The following RUBCN variants were observed in gnomAD, a reference collection of about 807,000 sequenced individuals.
RUBCN encodes rubicon autophagy regulator, also known as run domain Beclin-1-interacting and cysteine-rich domain-containing protein.
Under a neutral mutation model 113.2 loss-of-function variants are expected in RUBCN, and 74 were observed. The ratio of observed to expected loss-of-function variants is 0.65; its 90% CI spans 0.54 to 0.79. The LOEUF is 0.79. RUBCN is among the 30% of genes least tolerant of loss of function. The pLI is 0.00. For synonymous variants in RUBCN, 480 were observed against 490.0 expected (o/e 0.98, Z 0.27); for missense variants, 1,109 against 1,251.7 (o/e 0.89, Z 1.72).
intron 18 of RUBCN, chr3:197,676,227 A>C: frequency 2.0e-6 from 2 of 990,842 alleles, no homozygotes; most frequent in Non-Finnish European, 2.4e-6. Flanking sequence ...GAGGGGACAA[A>C]GTATTTATTT....
chr3:197,725,520 C>CTTTTTTTTTT lies in RUBCN; in HGVS notation c.66-7400_66-7391dup, dbSNP rs10718685. On this transcript the variant is annotated intron_variant, in intron 1 of 19. Transcript: ENST00000296343. ...TACATTTCATGGCTGACAGGAGAATCTTTTTTTTTTTTTTTTTTTTTTTGT... is the reference window on the plus strand; with the variant it reads ...TACATTTCATGGCTGACAGGAGAATCTTTTTTTTTTTTTTTTTTTTTTTTTTTTTTTTTGT... Among the ~76,000 whole-genome samples the CTTTTTTTTTT allele has an allele frequency of 7.7e-4, 58 of 75,336 alleles. 2 individuals carry two copies. Among genetic ancestry groups the CTTTTTTTTTT allele is most frequent in the South Asian group, 2.6e-3 (4 of 1,564 alleles). 49.4% of individuals were successfully genotyped at this position (75,336 alleles called of 152,430 possible).
intron 1 of RUBCN, among the ~76,000 whole-genome samples, chr3:197,718,542 C>T (rs1335970164): frequency 6.6e-6 from 1 of 152,112 alleles, no homozygotes; most frequent in Non-Finnish European, 1.5e-5. Flanking sequence ...CTCAACCTCC[C>T]AGGTAGAGGT....
rs896045722 is a variant in RUBCN at position 197,669,985 on chromosome 3, T to C, written c.*5033A>G. Among the ~76,000 whole-genome samples the C allele has an allele frequency of 6.6e-6, 1 of 152,020 alleles. No homozygotes were observed. Among genetic ancestry groups the C allele is most frequent in the Non-Finnish European group, 1.5e-5 (1 of 68,010 alleles). ...CTCACTGCAACCTCCGCCACCCGGG[T>C]TCAAGCAATTCTCCTGTCTCAACCT... On this transcript the variant is annotated 3_prime_UTR_variant, in exon 20 of 20. Coordinates refer to ENST00000296343, the MANE Select transcript of RUBCN (RefSeq NM_014687.4).
chr3:197,739,242 T>G (rs965334567), upstream of RUBCN, among the ~76,000 whole-genome samples: 1 of 142,698 alleles, frequency 7.0e-6, no homozygotes, highest in African/African-American at 3.0e-5. Context: ...TACAAAAAAA[T>G]TAGCCGGGCA....
In RUBCN at chr3:197,669,876, C is replaced by T. The variant is rs1719625589; in HGVS notation, c.*5142G>A. 6.6e-6 allele frequency among the ~76,000 whole-genome samples: 1 copy of T among 152,096 alleles called. No individual in the cohort carries two copies. Among genetic ancestry groups the T allele is most frequent in the South Asian group, 2.1e-4 (1 of 4,826 alleles). ...ACATTGTATTACAAGACTTTTTCCC[C>T]ATGTTACTATCATAATTTATTTTTT... On this transcript the variant is annotated 3_prime_UTR_variant, in exon 20 of 20. Coordinates refer to ENST00000296343, the MANE Select transcript of RUBCN (RefSeq NM_014687.4).
Position 197,694,472 on chromosome 3 carries a change from A to G in RUBCN, c.1587T>C (p.Asp529=). ...TCTGCTTCAGCTCCTGGATCTCTCT[A>G]TCACTGTCTTCCTCTTCCACTTCCT... ...EEEEVEEEDS[D]REIQELKQKI... The change falls in exon 10 of 20, where the codon GAT becomes GAC. Residue 529 remains aspartate (D), a synonymous_variant. Transcript: ENST00000296343. The G allele has an allele frequency of 1.2e-6, 2 of 1,614,160 alleles. No homozygotes were observed. The highest frequency in any genetic ancestry group is 1.7e-6 in the Non-Finnish European group (2 of 1,180,022).
At chr3:197,704,887 A>G (rs1724112032) in intron 3 of RUBCN, among the ~76,000 whole-genome samples, 186 bp from the exon 4 acceptor site, 1 of 152,168 alleles carries the variant, frequency 6.6e-6, no homozygotes. Context: ...CAGAGGAGAA[A>G]AAGTGGCCTG....
intron 1 of RUBCN, among the ~76,000 whole-genome samples, 188 bp downstream of exon 1, chr3:197,736,467 G>A (rs1580408075): frequency 7.0e-6 from 1 of 142,412 alleles, no homozygotes; most frequent in East Asian, 2.3e-4. Context: ...CCCTAAGCCG[G>A]TTCCTTCGTC....
chr3:197,742,221 A>T (rs554744119), intron 1 of RUBCN, among the ~76,000 whole-genome samples: 4 of 151,890 alleles, frequency 2.6e-5, no homozygotes, highest in Non-Finnish European at 5.9e-5. Context: ...AGCTGAGTGC[A>T]GTGGCTCACG....
Position 197,669,470 on chromosome 3 carries a change from T to C in RUBCN, c.*5548A>G, listed in dbSNP as rs1021664329. On this transcript the variant is annotated 3_prime_UTR_variant, in exon 20 of 20. Coordinates refer to ENST00000296343, the MANE Select transcript of RUBCN (RefSeq NM_014687.4). Reference sequence around the variant, plus strand: ...TCCTGTGTTTATGTTGTTTGTTGTTTTTCTCATGATTAGACTGAGGTTATG... The same window carrying C: ...TCCTGTGTTTATGTTGTTTGTTGTTCTTCTCATGATTAGACTGAGGTTATG... 6.6e-6 allele frequency among the ~76,000 whole-genome samples: 1 copy of C among 152,222 alleles called. No homozygotes were observed. The highest frequency in any genetic ancestry group is 1.5e-5 in the Non-Finnish European group (1 of 68,036).
Position 197,681,480 on chromosome 3 carries a change from C to A in RUBCN, c.2192-113G>T, listed in dbSNP as rs111513834. On this transcript the variant is annotated intron_variant, in intron 15 of 19. Coordinates refer to ENST00000296343, the MANE Select transcript of RUBCN (RefSeq NM_014687.4). This position sits in a 1 kb window ranked among gnomAD's most constrained non-coding sequence, Gnocchi z 5.5. ...GAGAGGGACAGCCAATGGCCTCCAG[C>A]AACCTCTGTCTGAGTTCCCCAAAGC... 57 of 790,428 alleles carry A rather than the reference C, an allele frequency of 7.2e-5. No individual in the cohort carries two copies. In the African/African-American group the frequency reaches 8.8e-4, roughly 12 times the overall value. The allele number at this position is 790,428 out of a possible 1,614,324, so 49.0% of individuals were successfully genotyped here.
chr3:197,740,026 TGA>T (rs1728459640), upstream of RUBCN, among the ~76,000 whole-genome samples: 1 of 150,594 alleles, frequency 6.6e-6, no homozygotes. Flanking sequence ...GGTGACAGAG[TGA>T]GACTGTCTTG....
Position 197,675,496 on chromosome 3 carries a change from A to T in RUBCN, c.2666T>A (p.Phe889Tyr). The T allele has an allele frequency of 6.2e-7, 1 of 1,614,064 alleles. No homozygotes were observed. Among genetic ancestry groups the T allele is most frequent in the Middle Eastern group, 1.7e-4 (1 of 6,058 alleles). ...CTCATTCTGACAGAACTCACAGATG[A>T]AGCCTTTGGCTTGGCAGAGCTGGGG... ...ERCMLCQAKG[F>Y]ICEFCQNEDD... The change falls in exon 19 of 20, where the codon TTC (phenylalanine) becomes TAC (tyrosine). Residue 889 changes from phenylalanine to tyrosine, a missense_variant. Physicochemically the swap from Phe to Tyr is conservative, Grantham distance 22 (BLOSUM62 3). Around this residue, in one of 3 missense-constraint regions of RUBCN, gnomAD observed 306 missense variants for 348.9 expected, o/e 0.88. Transcript: ENST00000296343. The surrounding 1 kb of genome is among the most constrained non-coding windows in gnomAD (Gnocchi z 4.4).
chr3:197,747,390 C>CT (rs397937984), intron 1 of RUBCN, among the ~76,000 whole-genome samples: 16,135 of 144,298 alleles, frequency 0.11, 916 homozygotes, highest in Non-Finnish European at 0.12. Flanking sequence ...AAAAGAGAAT[C>CT]TTTTTTTTTT....
intron 1 of RUBCN, among the ~76,000 whole-genome samples, chr3:197,724,501 C>A (rs1726523317): frequency 6.6e-6 from 1 of 152,176 alleles, no homozygotes; most frequent in African/African-American, 2.4e-5. Flanking sequence ...TCCCCAAATA[C>A]TCTTTTTAGT....
At chr3:197,713,662 C>A (rs557861852) in intron 2 of RUBCN, among the ~76,000 whole-genome samples, 1 of 152,208 alleles carries the variant, frequency 6.6e-6, no homozygotes, top group Non-Finnish European at 1.5e-5. Flanking sequence ...GGTGAACCTG[C>A]TGAACCCTGA....
At chr3:197,717,953 G>C in intron 2 of RUBCN, 24 bp downstream of exon 2, 1 of 1,612,730 alleles carries the variant, frequency 6.2e-7, no homozygotes, top group Non-Finnish European at 8.5e-7. Context: ...CAGCCAATCT[G>C]GCAAAAAAAG....
At chr3:197,749,373 T>C (rs894170058) in exon 1 of RUBCN, 2 of 1,173,578 alleles carry the variant, frequency 1.7e-6, no homozygotes, top group Admixed American at 3.6e-5. Flanking sequence ...CGTTAGCATT[T>C]ACTTTGGAGT....
chr3:197,677,420 G>C (rs770681036), intron 17 of RUBCN, 60 bp downstream of exon 17: 37 of 1,393,070 alleles, frequency 2.7e-5, no homozygotes, highest in Non-Finnish European at 3.8e-5. Flanking sequence ...CAAGCGCGGG[G>C]ATGTGTCCCT....
Sources: allele counts gnomAD v4.1 joint callset (sites outside exome capture counted in the v4.1 genomes callset), GRCh38; gene constraint gnomAD v4.1.1; regional missense constraint gnomAD v4.1.1; non-coding constraint Gnocchi (gnomAD v3.1); transcripts MANE v1.5; gene names NCBI Gene and HGNC (gene_info 2026-07-23, HGNC 2026-07-21).